Variants in RYR3 observed in about 807,000 individuals in gnomAD.
RYR3 encodes ryanodine receptor 3.
In RYR3, 207 loss-of-function variants were observed where a neutral mutation model predicts 584.3. The observed-to-expected ratio is 0.35, with a 90% CI of 0.32 to 0.40. RYR3 has a LOEUF of 0.40. Among genes scored for constraint, RYR3 ranks in the 10% least tolerant of loss-of-function variants. The pLI is 1.00. For missense variants in RYR3, 5,616 were observed against 6,089.2 expected, an observed-to-expected ratio of 0.92 and a Z score of 2.59; for synonymous variants, 2,416 against 2,248.5, an observed-to-expected ratio of 1.07 and a Z score of -2.11.
At chr15:33,797,701 G>A (rs2075703143) in intron 67 of RYR3, among the ~76,000 whole-genome samples, 1 of 151,990 alleles carries the variant, frequency 6.6e-6, no homozygotes, top group South Asian at 2.1e-4. Flanking sequence ...CCAAGATTTT[G>A]TTCCTGATGC....
chr15:33,659,994 C>T (rs1335349453), intron 33 of RYR3, among the ~76,000 whole-genome samples, 188 bp downstream of exon 33: 2 of 152,150 alleles, frequency 1.3e-5, no homozygotes, highest in East Asian at 1.9e-4. Flanking sequence ...CCCCTTTTCC[C>T]ACCTCTTTTG....
intron 60 of RYR3, among the ~76,000 whole-genome samples, chr15:33,761,144 A>G (rs2072394415): frequency 6.6e-6 from 1 of 152,226 alleles, no homozygotes; most frequent in Admixed American, 6.5e-5. Flanking sequence ...CACAGGAGAA[A>G]GCAGGAAAGA....
At chr15:33,368,787 C>T (rs1315331018) in intron 1 of RYR3, among the ~76,000 whole-genome samples, 2 of 152,108 alleles carry the variant, frequency 1.3e-5, no homozygotes, top group Non-Finnish European at 2.9e-5. Context: ...AGGCCTCTTT[C>T]ATCAGGTGGG....
intron 49 of RYR3, among the ~76,000 whole-genome samples, chr15:33,737,187 G>A (rs1007531681): frequency 3.3e-5 from 5 of 152,134 alleles, no homozygotes; most frequent in Admixed American, 6.5e-5. Context: ...TTGAGCTCCC[G>A]AGTTCAAGCA....
chr15:33,812,399 T>A (rs1295696303), intron 72 of RYR3, among the ~76,000 whole-genome samples: 1 of 151,870 alleles, frequency 6.6e-6, no homozygotes, highest in Non-Finnish European at 1.5e-5. Context: ...AATTAAAACA[T>A]TTAAAGAGAT....
intron 67 of RYR3, among the ~76,000 whole-genome samples, chr15:33,789,624 T>TTTTATATATATATATATA (rs1258454158): frequency 9.4e-4 from 11 of 11,694 alleles, no homozygotes; most frequent in Non-Finnish European, 1.4e-3. Flanking sequence ...AGGTTTTATT[T>TTTTATATATATATATATA]TATATATATA....
At chr15:33,831,776 G>A (rs6495269) in intron 86 of RYR3, among the ~76,000 whole-genome samples, 68,131 of 151,896 alleles carry the variant, frequency 0.45, 16,114 homozygotes, top group Middle Eastern at 0.6. Flanking sequence ...CATTACCGTC[G>A]GTGATACAAG....
At chr15:33,558,043 G>A (rs867728657) in intron 10 of RYR3, among the ~76,000 whole-genome samples, 4 of 152,130 alleles carry the variant, frequency 2.6e-5, no homozygotes, top group Admixed American at 6.5e-5. Context: ...TTTAAGCATC[G>A]TATGAAATGC....
chr15:33,722,651 A>G (rs2068029406), intron 43 of RYR3, 64 bp from the exon 44 acceptor site: 1 of 1,462,896 alleles, frequency 6.8e-7, no homozygotes, highest in African/African-American at 1.4e-5. Flanking sequence ...CAGCCTCATC[A>G]ACTAGAAATA....
At chr15:33,328,697 A>C (rs75889270) in intron 1 of RYR3, among the ~76,000 whole-genome samples, 2,420 of 152,270 alleles carry the variant, frequency 0.016, 63 homozygotes, top group African/African-American at 0.056. Flanking sequence ...TGGTTTGTAG[A>C]TCTAATATGG....
At chr15:33,330,551 G>T (rs949665534) in intron 1 of RYR3, among the ~76,000 whole-genome samples, 3 of 152,106 alleles carry the variant, frequency 2.0e-5, no homozygotes, top group Admixed American at 1.3e-4. Flanking sequence ...CCTGACTAGT[G>T]TTCCTTCACG....
intron 43 of RYR3, 145 bp downstream of exon 43, chr15:33,707,199 G>T: frequency 1.1e-6 from 1 of 910,646 alleles, no homozygotes; most frequent in Non-Finnish European, 1.6e-6. Context: ...GAGAATCACA[G>T]GTGTTTGGTG....
intron 38 of RYR3, among the ~76,000 whole-genome samples, chr15:33,681,761 A>C (rs1269845429): frequency 6.6e-6 from 1 of 152,172 alleles, no homozygotes; most frequent in African/African-American, 2.4e-5. Context: ...AGTGTAACCT[A>C]AGTGTGGTGC....
chr15:33,821,178 GT>G, intron 78 of RYR3, 91 bp from the exon 79 acceptor site: 1 of 972,900 alleles, frequency 1.0e-6, no homozygotes, highest in Non-Finnish European at 1.6e-6. Flanking sequence ...CCTTCCTTAG[GT>G]AACTGGAAAA....
intron 1 of RYR3, among the ~76,000 whole-genome samples, chr15:33,459,657 G>T (rs1487728668): frequency 6.6e-6 from 1 of 152,142 alleles, no homozygotes; most frequent in South Asian, 2.1e-4. Flanking sequence ...CACAGTCTGC[G>T]GCTGAAAATG....
chr15:33,440,844 A>T (rs1257230566), intron 1 of RYR3, among the ~76,000 whole-genome samples: 1 of 144,396 alleles, frequency 6.9e-6, no homozygotes, highest in South Asian at 2.2e-4. Context: ...TAGTGAAAAC[A>T]TGTTAATACA....
chr15:33,634,512 G>A (rs2061413390), intron 24 of RYR3, 74 bp from the exon 25 acceptor site: 1 of 1,503,432 alleles, frequency 6.7e-7, no homozygotes, highest in Non-Finnish European at 9.2e-7. Context: ...CTGTTGCTGG[G>A]AATATGTGAA....
chr15:33,507,845 C>G (rs372793173), intron 3 of RYR3, among the ~76,000 whole-genome samples: 1 of 152,118 alleles, frequency 6.6e-6, no homozygotes, highest in Non-Finnish European at 1.5e-5. Context: ...CAATCTATCT[C>G]GTAGGACTGG....
At chr15:33,578,965 A>G (rs1167073334) in intron 12 of RYR3, among the ~76,000 whole-genome samples, 1 of 152,174 alleles carries the variant, frequency 6.6e-6, no homozygotes, top group African/African-American at 2.4e-5. Context: ...TCATTTTGTT[A>G]TCTGTGGTGC....
Sources: gnomAD v4.1 joint callset for allele counts (sites outside exome capture counted in the v4.1 genomes callset) on GRCh38, gnomAD v4.1.1 for gene constraint, MANE v1.5 for transcripts, NCBI Gene and HGNC (gene_info 2026-07-23, HGNC 2026-07-21) for gene names.